The following ZFYVE9 variants were observed in gnomAD, a reference collection of about 807,000 sequenced individuals.
ZFYVE9 encodes the protein zinc finger FYVE domain-containing protein 9.
In ZFYVE9, 43 loss-of-function variants were observed where a neutral mutation model predicts 126.7. The ratio of observed to expected loss-of-function variants is 0.34; its 90% CI spans 0.27 to 0.44. ZFYVE9 has a LOEUF of 0.44. ZFYVE9 is among the 20% of genes least tolerant of loss of function. The pLI is 1.00. For missense variants in ZFYVE9, 1,476 were observed against 1,697.0 expected (o/e 0.87, Z 2.29); for synonymous variants, 521 against 597.4 (o/e 0.87, Z 1.87).
chr1:52,336,923 G>C (rs573261716), intron 15 of ZFYVE9, among the ~76,000 whole-genome samples: 3 of 134,042 alleles, frequency 2.2e-5, no homozygotes, highest in African/African-American at 8.6e-5. Context: ...TAGTCACTGC[G>C]CTCCAACCTG....
chr1:52,239,179 A>C lies in ZFYVE9; in HGVS notation c.1762A>C (p.Lys588Gln). 1.2e-6 allele frequency: 2 copies of C among 1,614,134 alleles called. No individual in the cohort carries two copies. The highest frequency in any genetic ancestry group is 1.1e-5 in the South Asian group (1 of 91,086). Reference sequence around the variant, plus strand: ...AAGACCCAAGCAACCTTCTAATCTTAAACTTCAAATTCCAAAGCCATTATC... The same window carrying C: ...AAGACCCAAGCAACCTTCTAATCTTCAACTTCAAATTCCAAAGCCATTATC... The part of the protein sequence containing the change: ...GARPKQPSNL[K>Q]LQIPKPLSDH... The change falls in exon 4 of 19, where the codon AAA becomes CAA. Residue 588 changes from lysine to glutamine, a missense_variant. Physicochemically the swap from Lys to Gln is moderately conservative, Grantham distance 53 (BLOSUM62 1). This residue lies in a region of ZFYVE9 where 807 missense variants were observed against 794.6 expected (regional missense o/e 1.02). Coordinates refer to ENST00000287727, the MANE Select transcript of ZFYVE9 (RefSeq NM_004799.4).
chr1:52,270,882 G>T (rs936828407), intron 7 of ZFYVE9, among the ~76,000 whole-genome samples: 1 of 151,678 alleles, frequency 6.6e-6, no homozygotes, highest in African/African-American at 2.4e-5. Context: ...ATTTCTTAAA[G>T]GATCACATCA....
At chr1:52,277,359 C>A (rs182721945) in intron 8 of ZFYVE9, among the ~76,000 whole-genome samples, 20 of 152,166 alleles carry the variant, frequency 1.3e-4, no homozygotes, top group African/African-American at 3.6e-4. Context: ...TGTTGGATTC[C>A]ATTTTCATAA....
At chr1:52,236,127 G>A (rs1035328859) in intron 3 of ZFYVE9, among the ~76,000 whole-genome samples, 7 of 152,112 alleles carry the variant, frequency 4.6e-5, no homozygotes, top group Non-Finnish European at 7.4e-5. Flanking sequence ...GTTTGTACGT[G>A]TCTCTTATTC....
At chr1:52,334,842 G>A in intron 15 of ZFYVE9, 74 bp downstream of exon 15, 1 of 1,434,220 alleles carries the variant, frequency 7.0e-7, no homozygotes, top group Admixed American at 1.8e-5. Flanking sequence ...TTACACTTCT[G>A]CTGTAGATGT....
At chr1:52,181,135 C>T (rs1005756698) in intron 1 of ZFYVE9, among the ~76,000 whole-genome samples, 7 of 152,222 alleles carry the variant, frequency 4.6e-5, no homozygotes, top group African/African-American at 7.2e-5. Flanking sequence ...GATGCCGAGC[C>T]GAAGCTGGAC....
chr1:52,196,168 G>C (rs1315310476), intron 1 of ZFYVE9, among the ~76,000 whole-genome samples: 3 of 152,120 alleles, frequency 2.0e-5, no homozygotes, highest in Non-Finnish European at 2.9e-5. Flanking sequence ...TGGTAGACTT[G>C]TACACTACTG....
chr1:52,338,720 A>G (rs1646410341), intron 16 of ZFYVE9, among the ~76,000 whole-genome samples: 2 of 152,224 alleles, frequency 1.3e-5, no homozygotes, highest in South Asian at 4.1e-4. Context: ...CTTTTAATAC[A>G]TAGAGATTTG....
chr1:52,152,769 A>G (rs1472338568), intron 1 of ZFYVE9, among the ~76,000 whole-genome samples: 2 of 152,216 alleles, frequency 1.3e-5, no homozygotes, highest in African/African-American at 4.8e-5. Flanking sequence ...GGGACTAACA[A>G]TAATACATCA....
intron 12 of ZFYVE9, among the ~76,000 whole-genome samples, chr1:52,299,435 A>G (rs1311608729): frequency 3.3e-5 from 5 of 152,274 alleles, no homozygotes; most frequent in Admixed American, 2.6e-4. Flanking sequence ...GGCTAGGACT[A>G]TGTTGAATAG....
chr1:52,319,615 T>A (rs1646218898), intron 13 of ZFYVE9, among the ~76,000 whole-genome samples: 1 of 144,390 alleles, frequency 6.9e-6, no homozygotes, highest in Admixed American at 6.9e-5. Context: ...CGAGCAAAAC[T>A]CCATCTCAAA....
intron 6 of ZFYVE9, among the ~76,000 whole-genome samples, chr1:52,267,254 A>G (rs776401606): frequency 6.6e-5 from 10 of 152,210 alleles, no homozygotes; most frequent in African/African-American, 1.2e-4. Context: ...TGGAGTATAC[A>G]TTGCCATTTT....
intron 8 of ZFYVE9, 133 bp from the exon 9 acceptor site, chr1:52,278,359 A>G (rs1195753303): frequency 7.7e-6 from 9 of 1,165,312 alleles, no homozygotes; most frequent in South Asian, 1.4e-5. Context: ...GATACAAACC[A>G]TGCTCTGTAT....
intron 1 of ZFYVE9, among the ~76,000 whole-genome samples, chr1:52,206,802 G>A (rs1016574678): frequency 1.3e-5 from 2 of 152,060 alleles, no homozygotes; most frequent in African/African-American, 4.8e-5. Flanking sequence ...TGCCCACCTC[G>A]GCCTCCCAAA....
chr1:52,223,583 C>CT (rs1645143937), intron 2 of ZFYVE9, among the ~76,000 whole-genome samples: 3 of 152,070 alleles, frequency 2.0e-5, no homozygotes, highest in Non-Finnish European at 4.4e-5. Context: ...TTTAACATTC[C>CT]TTGTCCCAGT....
At chr1:52,262,420 G>T (rs1645588422) in intron 4 of ZFYVE9, among the ~76,000 whole-genome samples, 1 of 152,138 alleles carries the variant, frequency 6.6e-6, no homozygotes, top group Admixed American at 6.5e-5. Flanking sequence ...GTGAACTTGA[G>T]GAAGTCATTT....
chr1:52,325,372 TAGCC>T (rs939264342), intron 13 of ZFYVE9, among the ~76,000 whole-genome samples: 12 of 151,850 alleles, frequency 7.9e-5, no homozygotes, highest in African/African-American at 2.9e-4. Context: ...ATAAAAGAAT[TAGCC>T]AGGTGTGGTG....
At chr1:52,182,721 G>T (rs573295010) in intron 1 of ZFYVE9, among the ~76,000 whole-genome samples, 1 of 150,954 alleles carries the variant, frequency 6.6e-6, no homozygotes, top group African/African-American at 2.4e-5. Context: ...ATCCCCCTCT[G>T]CGAGAAACAC....
At chr1:52,223,304 G>A (rs558140000) in intron 2 of ZFYVE9, among the ~76,000 whole-genome samples, 2 of 152,146 alleles carry the variant, frequency 1.3e-5, no homozygotes, top group Admixed American at 6.5e-5. Context: ...TGACTCTCAG[G>A]TTTCATCCCT....
Sources: gnomAD v4.1 joint callset for allele counts (sites outside exome capture counted in the v4.1 genomes callset) on GRCh38, gnomAD v4.1.1 for gene constraint, gnomAD v4.1.1 regional missense constraint, MANE v1.5 for transcripts, NCBI Gene and HGNC (gene_info 2026-07-23, HGNC 2026-07-21) for gene names.